Variants in TENM4 observed in about 807,000 individuals in gnomAD.
The protein encoded by TENM4 is teneurin transmembrane protein 4.
Under a neutral mutation model 243.3 loss-of-function variants are expected in TENM4, and 82 were observed. The ratio of observed to expected loss-of-function variants is 0.34; its 90% CI spans 0.28 to 0.40. The LOEUF (loss-of-function observed/expected upper bound fraction) is 0.40, where lower values mean the gene tolerates loss of function less well. Among genes scored for constraint, TENM4 ranks in the 10% least tolerant of loss-of-function variants. The pLI is 1.00. For missense variants in TENM4, 3,138 were observed against 3,673.3 expected (o/e 0.85, Z 3.77); for synonymous variants, 1,412 against 1,456.3 (o/e 0.97, Z 0.69).
intron 6 of TENM4, among the ~76,000 whole-genome samples, chr11:79,046,027 C>G (rs1859646538): frequency 6.6e-6 from 1 of 152,248 alleles, no homozygotes; most frequent in South Asian, 2.1e-4. Context: ...TTTGCACTTG[C>G]AGTCACTCTT....
intron 10 of TENM4, among the ~76,000 whole-genome samples, chr11:78,859,361 G>A (rs555275715): frequency 6.6e-6 from 1 of 152,164 alleles, no homozygotes; most frequent in African/African-American, 2.4e-5. Context: ...GTCACAATTA[G>A]GGCTCCCCTA....
intron 1 of TENM4, among the ~76,000 whole-genome samples, chr11:79,300,655 G>T (rs907429451): frequency 1.2e-4 from 18 of 152,230 alleles, no homozygotes; most frequent in African/African-American, 3.6e-4. Flanking sequence ...ATAGGTAAAT[G>T]GTACCTAATT....
intron 4 of TENM4, among the ~76,000 whole-genome samples, chr11:79,126,690 CAG>C (rs1253788883): frequency 2.0e-5 from 3 of 152,148 alleles, no homozygotes; most frequent in African/African-American, 4.8e-5. Context: ...AATAAAAAAA[CAG>C]AGAATCATGG....
intron 4 of TENM4, among the ~76,000 whole-genome samples, chr11:79,138,439 A>G (rs1355370624): frequency 1.7e-5 from 2 of 115,704 alleles, no homozygotes; most frequent in Non-Finnish European, 3.2e-5. Flanking sequence ...ATAAATATAT[A>G]TTATATTTAT....
chr11:79,185,777 GA>G (rs1258996000), intron 3 of TENM4, among the ~76,000 whole-genome samples: 5 of 152,120 alleles, frequency 3.3e-5, no homozygotes, highest in African/African-American at 9.7e-5. Context: ...GGCCTAGGAA[GA>G]AAAACATCAT....
intron 6 of TENM4, among the ~76,000 whole-genome samples, chr11:78,996,899 T>C (rs1213765362): frequency 6.6e-6 from 1 of 152,096 alleles, no homozygotes; most frequent in African/African-American, 2.4e-5. Flanking sequence ...CCCAGTGGCT[T>C]GTAGTCAGAG....
At chr11:79,409,099 TGTGCGC>T (rs769933251) in intron 1 of TENM4, among the ~76,000 whole-genome samples, 7,999 of 100,796 alleles carry the variant, frequency 0.079, 296 homozygotes, top group African/African-American at 0.17. Context: ...TGTGTGTGTG[TGTGCGC>T]GCGCGCGCGT....
chr11:79,056,698 G>A (rs1028071441), intron 6 of TENM4, among the ~76,000 whole-genome samples: 3 of 152,176 alleles, frequency 2.0e-5, no homozygotes, highest in African/African-American at 2.4e-5. Context: ...AGGGAGTCAG[G>A]CACCAAGGTC....
At chr11:79,036,555 G>A (rs1859383483) in intron 6 of TENM4, among the ~76,000 whole-genome samples, 1 of 152,224 alleles carries the variant, frequency 6.6e-6, no homozygotes. Flanking sequence ...GACAGCCAAG[G>A]GAGCAGTAGT....
chr11:79,432,208 T>G (rs1364887802), intron 1 of TENM4, among the ~76,000 whole-genome samples: 2 of 152,254 alleles, frequency 1.3e-5, no homozygotes, highest in African/African-American at 4.8e-5. Flanking sequence ...CACCTACTTC[T>G]ACCACATTTC....
At chr11:78,826,348 A>G (rs1029584773) in intron 12 of TENM4, among the ~76,000 whole-genome samples, 2 of 152,208 alleles carry the variant, frequency 1.3e-5, no homozygotes, top group Non-Finnish European at 1.5e-5. Flanking sequence ...TGGCCTCCCA[A>G]AGTGTTGGGA....
intron 3 of TENM4, among the ~76,000 whole-genome samples, chr11:79,180,835 T>C (rs1863266725): frequency 6.6e-6 from 1 of 151,102 alleles, no homozygotes; most frequent in African/African-American, 2.4e-5. Flanking sequence ...AGAAGACAAA[T>C]AGATTATCTG....
In TENM4 at chr11:79,362,993, C is replaced by T. The variant is rs185072990; in HGVS notation, c.-320-65450G>A. ...TGGAACAAGCACATTGCCTGACTGG[C>T]GATTAGTCTGACGTGGATGACAAGC... is the stretch of plus-strand genomic sequence containing the variant. On this transcript the variant is annotated intron_variant, in intron 1 of 33. Coordinates refer to ENST00000278550, the MANE Select transcript of TENM4 (RefSeq NM_001098816.3). Among the ~76,000 whole-genome samples the T allele has an allele frequency of 4.1e-4, 63 of 152,246 alleles. No homozygotes were observed. The East Asian group carries it at 7.9e-3, about 19-fold the overall frequency.
intron 14 of TENM4, among the ~76,000 whole-genome samples, chr11:78,810,140 A>G (rs886335002): frequency 6.6e-6 from 1 of 152,184 alleles, no homozygotes; most frequent in African/African-American, 2.4e-5. Flanking sequence ...GGAGGAGGGG[A>G]GGAGAAGTGT....
At chr11:79,385,696 T>A (rs76725090) in intron 1 of TENM4, among the ~76,000 whole-genome samples, 15,037 of 151,700 alleles carry the variant, frequency 0.099, 795 homozygotes, top group East Asian at 0.13. Flanking sequence ...ATTTGTGAGA[T>A]TTATCCATGT....
chr11:78,926,276 T>A (rs2136403734), intron 6 of TENM4, among the ~76,000 whole-genome samples: 1 of 72,824 alleles, frequency 1.4e-5, no homozygotes, highest in Non-Finnish European at 3.3e-5. Context: ...AAGAACTGAC[T>A]TTTTTTTTTT....
chr11:79,376,957 C>G (rs1305647878), intron 1 of TENM4, among the ~76,000 whole-genome samples: 1 of 152,196 alleles, frequency 6.6e-6, no homozygotes, highest in Non-Finnish European at 1.5e-5. Flanking sequence ...GTAAAAGGAT[C>G]TTTGCTGATA....
chr11:79,114,726 T>A (rs2137115145), intron 4 of TENM4, among the ~76,000 whole-genome samples: 1 of 152,272 alleles, frequency 6.6e-6, no homozygotes, highest in East Asian at 1.9e-4. Flanking sequence ...CTGATCCAGT[T>A]CATCAGACTG....
At chr11:79,310,119 T>G (rs1234614151) in intron 1 of TENM4, among the ~76,000 whole-genome samples, 1 of 152,194 alleles carries the variant, frequency 6.6e-6, no homozygotes, top group Non-Finnish European at 1.5e-5. Flanking sequence ...CAGCTCAGTC[T>G]ACCCAGGGCC....
Sources: gnomAD v4.1 joint callset for allele counts (sites outside exome capture counted in the v4.1 genomes callset) on GRCh38, gnomAD v4.1.1 for gene constraint, MANE v1.5 for transcripts, NCBI Gene and HGNC (gene_info 2026-07-23, HGNC 2026-07-21) for gene names.